Variants in TPRG1 observed in about 807,000 individuals in gnomAD.
The protein encoded by TPRG1 is tumor protein p63 regulated 1, also known as tumor protein p63-regulated gene 1 protein.
A neutral mutation model predicts 29.3 loss-of-function variants in TPRG1; 29 were observed. That is an observed-to-expected ratio of 0.99 (90% CI 0.74 to 1.35). The LOEUF (loss-of-function observed/expected upper bound fraction) is 1.35, where lower values mean the gene tolerates loss of function less well. TPRG1 is among the 40% of genes most tolerant of loss of function. TPRG1 has a pLI of 0.00. For missense variants in TPRG1, 327 were observed against 335.0 expected (o/e 0.98, Z 0.19); for synonymous variants, 130 against 116.8 (o/e 1.11, Z -0.73).
At chr3:189,106,295 C>T (rs549290989) in intron 1 of TPRG1, among the ~76,000 whole-genome samples, 13 of 152,220 alleles carry the variant, frequency 8.5e-5, no homozygotes, top group Non-Finnish European at 1.6e-4. Flanking sequence ...CCCCTTCCCC[C>T]ACCCTGGGAA....
intron 5 of TPRG1, chr3:189,315,626 C>T: frequency 2.6e-6 from 1 of 383,504 alleles, no homozygotes; most frequent in Non-Finnish European, 5.3e-6. Flanking sequence ...GTATTTCTAT[C>T]CATCTTTTCA....
At chr3:189,199,918 A>G (rs989422277) in intron 1 of TPRG1, among the ~76,000 whole-genome samples, 5 of 152,152 alleles carry the variant, frequency 3.3e-5, no homozygotes, top group Non-Finnish European at 7.3e-5. Flanking sequence ...ACAAAAAAAC[A>G]ATGAATAGTA....
chr3:189,214,906 A>C (rs1578859487), intron 2 of TPRG1, among the ~76,000 whole-genome samples: 1 of 150,264 alleles, frequency 6.7e-6, no homozygotes, highest in Admixed American at 6.8e-5. Flanking sequence ...CATTGGAAGA[A>C]GGCTATGTTG....
chr3:189,259,008 C>T (rs1373359361), intron 4 of TPRG1, among the ~76,000 whole-genome samples: 1 of 152,146 alleles, frequency 6.6e-6, no homozygotes, highest in Non-Finnish European at 1.5e-5. Flanking sequence ...CTAGAGTGAA[C>T]AGTTCTGTCT....
chr3:189,068,230 A>G lies in TPRG1; in HGVS notation c.-463+44284A>G, dbSNP rs558623081. ...ATTTGATAGAAATGTAAATTAGTAG[A>G]GCCACTATAGAGAACAGTATGGTGG... On this transcript the variant is annotated intron_variant, in intron 4 of 10. Coordinates refer to the TPRG1 transcript ENST00000433971. Among the ~76,000 whole-genome samples the G allele has an allele frequency of 5.4e-3, 820 of 152,342 alleles. 4 individuals are homozygous for G. Among genetic ancestry groups the G allele is most frequent in the Non-Finnish European group, 9.3e-3 (633 of 68,032 alleles).
intron 4 of TPRG1, among the ~76,000 whole-genome samples, chr3:189,029,799 G>A (rs906307301): frequency 6.6e-6 from 1 of 152,138 alleles, no homozygotes; most frequent in African/African-American, 2.4e-5. Context: ...TCATTCCCAT[G>A]AGATTTGGTT....
At chr3:189,159,199 A>G (rs1226396341) in intron 5 of TPRG1, among the ~76,000 whole-genome samples, 1 of 152,186 alleles carries the variant, frequency 6.6e-6, no homozygotes, top group Non-Finnish European at 1.5e-5. Flanking sequence ...GTTTAACATG[A>G]TAATTCGTTT....
At chr3:189,047,541 A>G (rs1715054039) in intron 4 of TPRG1, among the ~76,000 whole-genome samples, 1 of 152,208 alleles carries the variant, frequency 6.6e-6, no homozygotes, top group Non-Finnish European at 1.5e-5. Context: ...TAAGACAGCA[A>G]TAAAGTTTGC....
intron 1 of TPRG1, among the ~76,000 whole-genome samples, chr3:189,115,271 T>C (rs1044682512): frequency 6.6e-6 from 1 of 152,244 alleles, no homozygotes; most frequent in African/African-American, 2.4e-5. Flanking sequence ...AGGAGTGTTA[T>C]TTATTGCCTT....
chr3:189,265,781 G>C (rs1303763967), intron 4 of TPRG1, among the ~76,000 whole-genome samples: 1 of 152,152 alleles, frequency 6.6e-6, no homozygotes, highest in Non-Finnish European at 1.5e-5. Context: ...GTGGATCTGA[G>C]GACCAAAACT....
intron 4 of TPRG1, among the ~76,000 whole-genome samples, chr3:189,307,813 T>C (rs1721856110): frequency 6.6e-6 from 1 of 152,212 alleles, no homozygotes; most frequent in African/African-American, 2.4e-5. Context: ...ATTCTACAGT[T>C]TATAAACCTT....
intron 4 of TPRG1, among the ~76,000 whole-genome samples, chr3:189,075,422 C>T (rs895986118): frequency 6.6e-6 from 1 of 152,196 alleles, no homozygotes; most frequent in African/African-American, 2.4e-5. Context: ...AGGAGTGAGC[C>T]ACTGCACCTG....
chr3:189,306,230 A>G (rs1721607611), intron 4 of TPRG1, among the ~76,000 whole-genome samples: 1 of 152,206 alleles, frequency 6.6e-6, no homozygotes, highest in South Asian at 2.1e-4. Context: ...GATTTAAAAG[A>G]TTACTTTTAA....
At chr3:189,301,718 G>A (rs1720871019) in intron 4 of TPRG1, among the ~76,000 whole-genome samples, 1 of 152,112 alleles carries the variant, frequency 6.6e-6, no homozygotes, top group Non-Finnish European at 1.5e-5. Flanking sequence ...GGAGACCAAG[G>A]AGGGCATCCA....
chr3:189,051,247 C>A (rs796889591), intron 4 of TPRG1, among the ~76,000 whole-genome samples: 4 of 152,098 alleles, frequency 2.6e-5, no homozygotes, highest in Admixed American at 6.5e-5. Context: ...TTTCCAGATA[C>A]AAGATTAATG....
chr3:189,078,443 C>A (rs1302079241), intron 4 of TPRG1, among the ~76,000 whole-genome samples: 2 of 151,924 alleles, frequency 1.3e-5, no homozygotes, highest in African/African-American at 4.8e-5. Flanking sequence ...GGCCAAAAAC[C>A]CTTTTCTTAA....
intron 4 of TPRG1, among the ~76,000 whole-genome samples, chr3:189,069,399 T>G (rs1716671976): frequency 6.6e-6 from 1 of 152,152 alleles, no homozygotes; most frequent in Non-Finnish European, 1.5e-5. Flanking sequence ...ACATGAGAGA[T>G]TCTTTCGGTG....
intron 4 of TPRG1, among the ~76,000 whole-genome samples, chr3:189,279,681 C>A (rs1716770225): frequency 6.6e-6 from 1 of 152,106 alleles, no homozygotes; most frequent in South Asian, 2.1e-4. Context: ...TATGAAAAAC[C>A]TCACTGAATT....
intron 4 of TPRG1, among the ~76,000 whole-genome samples, chr3:189,265,065 A>T (rs190803190): frequency 2.1e-4 from 32 of 152,334 alleles, no homozygotes; most frequent in Non-Finnish European, 2.1e-4. Context: ...AAATGTATGA[A>T]TCTAGAAAGA....
Sources: gnomAD v4.1 joint callset for allele counts (sites outside exome capture counted in the v4.1 genomes callset) on GRCh38, gnomAD v4.1.1 for gene constraint, MANE v1.5 for transcripts, NCBI Gene and HGNC (gene_info 2026-07-23, HGNC 2026-07-21) for gene names.